Variants in VENTX observed in about 807,000 individuals in gnomAD.
VENTX encodes VENT homeobox.
Under a neutral mutation model 10.5 loss-of-function variants are expected in VENTX, and 13 were observed. The observed-to-expected ratio is 1.23, with a 90% CI of 0.80 to 1.96. The LOEUF (loss-of-function observed/expected upper bound fraction) is 1.96. Ranked by LOEUF, VENTX falls within the 30% of genes most tolerant of loss-of-function variation. VENTX has a pLI of 0.00. For missense variants in VENTX, 400 were observed against 341.8 expected (o/e 1.17, Z -1.34); for synonymous variants, 177 against 150.4 (o/e 1.18, Z -1.29).
intron 1 of VENTX, 89 bp downstream of exon 1, chr10:133,238,244 G>C (rs941720264): frequency 4.8e-6 from 7 of 1,448,840 alleles, no homozygotes; most frequent in Non-Finnish European, 5.4e-6. Context: ...ACTCCCCGCG[G>C]TGCCCTGCCC....
At chr10:133,238,954 C>T (rs1183473629) in intron 1 of VENTX, among the ~76,000 whole-genome samples, 1 of 152,216 alleles carries the variant, frequency 6.6e-6, no homozygotes, top group Non-Finnish European at 1.5e-5. Flanking sequence ...CCCTGTCCCG[C>T]AACCCCCTTT....
chr10:133,239,807 G>A lies in VENTX; in HGVS notation c.373G>A (p.Ala125Thr), dbSNP rs1437662413. The A allele has an allele frequency of 6.2e-7, 1 of 1,607,794 alleles. No individual in the cohort carries two copies. Among genetic ancestry groups the A allele is most frequent in the Admixed American group, 1.7e-5 (1 of 59,852 alleles). ...YLSPLERKRL[A>T]REMQLSEVQI... ...GAGCCCTCTGGAGCGGAAGAGGCTG[G>A]CCAGGGAGATGCAGCTCTCAGAGGT... Residue 125 changes from alanine to threonine, a missense_variant, in exon 2 of 3, where the codon GCC becomes ACC. Ala to Thr is a moderately conservative substitution (Grantham distance 58, BLOSUM62 0). Coordinates refer to ENST00000325980, the MANE Select transcript of VENTX (RefSeq NM_014468.4).
Position 133,238,148 on chromosome 10 carries a change from C to A in VENTX, c.234C>A (p.Thr78=). 6.3e-7 allele frequency: 1 copy of A among 1,594,168 alleles called. No homozygotes were observed. The highest frequency in any genetic ancestry group is 8.6e-7 in the Non-Finnish European group (1 of 1,169,268). ...GSSNLPAPER[T]MAGLSKEPNT... Reference sequence around the variant, plus strand: ...CAAATCTGCCTGCGCCGGAGAGGACCATGGCCGGTAGGTCCGGGTGGGGGG... The same window carrying A: ...CAAATCTGCCTGCGCCGGAGAGGACAATGGCCGGTAGGTCCGGGTGGGGGG... Residue 78 remains threonine (T), a synonymous_variant, in exon 1 of 3, where the codon ACC becomes ACA. Coordinates refer to ENST00000325980, the MANE Select transcript of VENTX (RefSeq NM_014468.4).
In VENTX at chr10:133,240,374, G is replaced by A. The variant is rs1845917271; in HGVS notation, c.*68G>A. On this transcript the variant is annotated 3_prime_UTR_variant, in exon 3 of 3. Transcript: ENST00000325980. ...ACCTGGCTCCTACCTGGAGGACTCAGTTGTTCTGTTTACATCCTGGTGGCA... is the reference window on the plus strand; with the variant it reads ...ACCTGGCTCCTACCTGGAGGACTCAATTGTTCTGTTTACATCCTGGTGGCA... 24 of 1,475,682 alleles carry A rather than the reference G, an allele frequency of 1.6e-5. 1 individual carries two copies. The South Asian group carries it at 3.3e-4, about 20-fold the overall frequency. 91.4% of individuals were successfully genotyped at this position (1,475,682 alleles called of 1,614,324 possible).
At position 133,237,880 on chromosome 10, in the gene VENTX, C is replaced by CCCGCCG; in HGVS notation, c.-30_-29insGCCGCC. ...GAGGTGGATCCTGCGCCTGGCCAGCCCCGCCTGGCCTTCCCTCCGGCCCAC... is the reference window on the plus strand; with the variant it reads ...GAGGTGGATCCTGCGCCTGGCCAGCCCCGCCGCCGCCTGGCCTTCCCTCCGGCCCAC... On this transcript the variant is annotated 5_prime_UTR_variant, in exon 1 of 3. Coordinates refer to ENST00000325980, the MANE Select transcript of VENTX (RefSeq NM_014468.4). The CCCGCCG allele has an allele frequency of 6.5e-7, 1 of 1,542,824 alleles. No individual in the cohort carries two copies. The highest frequency in any genetic ancestry group is 2.3e-5 in the East Asian group (1 of 42,616).
At position 133,237,888 on chromosome 10, in the gene VENTX, G is replaced by T; in HGVS notation, c.-27G>T. 1 of 1,558,236 alleles carries T rather than the reference G, an allele frequency of 6.4e-7. No individual in the cohort carries two copies. The highest frequency in any genetic ancestry group is 8.6e-7 in the Non-Finnish European group (1 of 1,157,890). ...TCCTGCGCCTGGCCAGCCCCGCCTG[G>T]CCTTCCCTCCGGCCCACCTGGCCGC... On this transcript the variant is annotated 5_prime_UTR_variant, in exon 1 of 3. Transcript: ENST00000325980.
In VENTX at chr10:133,240,936, T is replaced by C. The variant is rs1392573168; in HGVS notation, c.*630T>C. The stretch of plus-strand genomic sequence containing the variant: ...CGAAGGGTCAGTGAACAGAGTCAAA[T>C]GCAGAAGTGGGCTTGTCATGGGTAG... On this transcript the variant is annotated 3_prime_UTR_variant, in exon 3 of 3. Coordinates refer to ENST00000325980, the MANE Select transcript of VENTX (RefSeq NM_014468.4). The C allele has an allele frequency of 6.6e-6, 1 of 152,180 alleles. No homozygotes were observed. Among genetic ancestry groups the C allele is most frequent in the East Asian group, 1.9e-4 (1 of 5,194 alleles). 9.4% of individuals were successfully genotyped at this position (152,180 alleles called of 1,614,324 possible).
intron 1 of VENTX, 95 bp downstream of exon 1, chr10:133,238,250 T>G: frequency 1.4e-6 from 2 of 1,428,792 alleles, no homozygotes; most frequent in Non-Finnish European, 1.8e-6. Context: ...CGCGGTGCCC[T>G]GCCCACTAGG....
chr10:133,238,224 C>G (rs575120828), intron 1 of VENTX, 69 bp downstream of exon 1: 3 of 1,482,816 alleles, frequency 2.0e-6, no homozygotes, highest in Admixed American at 2.3e-5. Flanking sequence ...GCCAGGAGCC[C>G]GGCGGCTGCA....
rs1845931301 is a variant in VENTX, at chr10:133,241,237, T to C, written c.*931T>C. On this transcript the variant is annotated 3_prime_UTR_variant, in exon 3 of 3. Transcript: ENST00000325980. ...AGCCGGGACTGTACCCACAGCTTGC[T>C]GAGGGCTGCTCTTCTTGGGCCAGGG... The C allele has an allele frequency of 6.5e-6, 1 of 153,452 alleles. No homozygotes were observed. The highest frequency in any genetic ancestry group is 1.9e-4 in the East Asian group (1 of 5,188). The allele number at this position is 153,452 out of a possible 1,614,324, so 9.5% of individuals were successfully genotyped here.
chr10:133,239,116 T>C (rs1194051387), intron 1 of VENTX, among the ~76,000 whole-genome samples: 1 of 152,238 alleles, frequency 6.6e-6, no homozygotes, highest in African/African-American at 2.4e-5. Flanking sequence ...GCATTTAATG[T>C]CGAGCTCGAT....
rs1024209161 is a variant in VENTX at position 133,241,686 on chromosome 10, C to G, written c.*1380C>G. ...GCGGCTGCGTCCCCAGCGAGTTTCA[C>G]TTTCCCCTTGCTCGTTTCTCCCTTG... On this transcript the variant is annotated 3_prime_UTR_variant, in exon 3 of 3. Coordinates refer to ENST00000325980, the MANE Select transcript of VENTX (RefSeq NM_014468.4). 1.3e-5 allele frequency: 2 copies of G among 152,278 alleles called. No homozygotes were observed. The highest frequency in any genetic ancestry group is 4.8e-5 in the African/African-American group (2 of 41,462). The allele number at this position is 152,278 out of a possible 1,614,324, so 9.4% of individuals were successfully genotyped here.
chr10:133,239,820 A>G lies in VENTX; in HGVS notation c.386A>G (p.Gln129Arg). The G allele has an allele frequency of 6.3e-7, 1 of 1,588,034 alleles. No individual in the cohort carries two copies. Among genetic ancestry groups the G allele is most frequent in the Non-Finnish European group, 8.6e-7 (1 of 1,167,574 alleles). ...CGGAAGAGGCTGGCCAGGGAGATGC[A>G]GCTCTCAGAGGTCCAGGTGAGGTGG... ...LERKRLAREM[Q>R]LSEVQIKTWF... Residue 129 changes from glutamine (Q) to arginine (R), a missense_variant, in exon 2 of 3, where the codon CAG (glutamine) becomes CGG (arginine). Coordinates refer to ENST00000325980, the MANE Select transcript of VENTX (RefSeq NM_014468.4).
At chr10:133,238,239 C>CCA (rs1845880592) in intron 1 of VENTX, 84 bp downstream of exon 1, 1 of 1,453,196 alleles carries the variant, frequency 6.9e-7, no homozygotes, top group Admixed American at 2.5e-5. Flanking sequence ...GCTGCACTCC[C>CCA]CGCGGTGCCC....
intron 1 of VENTX, among the ~76,000 whole-genome samples, chr10:133,238,483 C>CCT (rs1564909561): frequency 6.6e-6 from 1 of 152,192 alleles, no homozygotes; most frequent in African/African-American, 2.4e-5. Flanking sequence ...TCCGCACCTC[C>CCT]CTGCCCTGAT....
At chr10:133,239,899 C>G in intron 2 of VENTX, 33 bp from the exon 3 acceptor site, 1 of 1,608,820 alleles carries the variant, frequency 6.2e-7, no homozygotes, top group Non-Finnish European at 8.5e-7. Context: ...GTGGCCTAGT[C>G]TCACCCCTGT....
rs1845904445 is a variant in VENTX, at chr10:133,239,783, A to C, written c.349A>C (p.Ser117Arg). 1 of 1,605,832 alleles carries C rather than the reference A, an allele frequency of 6.2e-7. No homozygotes were observed. The highest frequency in any genetic ancestry group is 1.7e-5 in the Admixed American group (1 of 59,720). ...CGTCTTCCAGCACCACCAGTACCTG[A>C]GCCCTCTGGAGCGGAAGAGGCTGGC... is the stretch of plus-strand genomic sequence containing the variant. ...EGVFQHHQYL[S>R]PLERKRLARE... The change falls in exon 2 of 3, where the codon AGC becomes CGC. Residue 117 changes from serine to arginine, a missense_variant. By Grantham distance (110) the Ser-to-Arg change is moderately radical (BLOSUM62 -1). Transcript: ENST00000325980.
At position 133,237,938 on chromosome 10, in the gene VENTX, T is replaced by C; in HGVS notation, c.24T>C (p.Pro8=). 1 of 1,594,438 alleles carries C rather than the reference T, an allele frequency of 6.3e-7. No homozygotes were observed. The highest frequency in any genetic ancestry group is 8.5e-7 in the Non-Finnish European group (1 of 1,176,572). Residue 8 remains proline, a synonymous_variant, in exon 1 of 3, where the codon CCT becomes CCC. Coordinates refer to ENST00000325980, the MANE Select transcript of VENTX (RefSeq NM_014468.4). MRLSSSP[P]RGPQQLSSFG... is the part of the protein sequence containing the mutation. ...CCATGCGCCTCTCCTCCTCCCCACC[T>C]CGTGGCCCGCAGCAGCTCTCCAGCT...
In VENTX at chr10:133,239,828, G is replaced by A. The variant is rs746174798; in HGVS notation, c.394G>A (p.Glu132Lys). 4 of 1,611,362 alleles carry A rather than the reference G, an allele frequency of 2.5e-6. No homozygotes were observed. Among genetic ancestry groups the A allele is most frequent in the South Asian group, 2.2e-5 (2 of 90,992 alleles). ...GCTGGCCAGGGAGATGCAGCTCTCA[G>A]AGGTCCAGGTGAGGTGGGCCGGGCA... is the stretch of plus-strand genomic sequence containing the variant. ...KRLAREMQLS[E>K]VQIKTWFQNR... The change falls in exon 2 of 3, where the codon GAG (glutamate) becomes AAG (lysine). Residue 132 changes from glutamate to lysine, a missense_variant. By Grantham distance (56) the Glu-to-Lys change is moderately conservative. Coordinates refer to ENST00000325980, the MANE Select transcript of VENTX (RefSeq NM_014468.4).
Sources: gnomAD v4.1 joint callset for allele counts (sites outside exome capture counted in the v4.1 genomes callset) on GRCh38, gnomAD v4.1.1 for gene constraint, MANE v1.5 for transcripts, NCBI Gene and HGNC (gene_info 2026-07-23, HGNC 2026-07-21) for gene names.